The following CARMIL1 variants were observed in gnomAD, a reference collection of about 807,000 sequenced individuals.
CARMIL1 encodes F-actin-uncapping protein LRRC16A.
A neutral mutation model predicts 177.1 loss-of-function variants in CARMIL1; 90 were observed. That is an observed-to-expected ratio of 0.51 (90% CI 0.43 to 0.61). The LOEUF (loss-of-function observed/expected upper bound fraction) is 0.61, where lower values mean the gene tolerates loss of function less well. Among genes scored for constraint, CARMIL1 ranks in the 20% least tolerant of loss-of-function variants. The pLI, the probability that CARMIL1 is intolerant of heterozygous loss-of-function variation, is 0.00. For synonymous variants in CARMIL1, 577 were observed against 606.2 expected, an observed-to-expected ratio of 0.95 and a Z score of 0.71; for missense variants, 1,380 against 1,667.0, an observed-to-expected ratio of 0.83 and a Z score of 3.00.
intron 2 of CARMIL1, among the ~76,000 whole-genome samples, chr6:25,299,085 G>A (rs537283877): frequency 6.6e-6 from 1 of 151,652 alleles, no homozygotes; most frequent in South Asian, 2.1e-4. Flanking sequence ...TCCTTGATCG[G>A]GGGTGCAGGG....
intron 33 of CARMIL1, 78 bp downstream of exon 33, chr6:25,600,824 A>G: frequency 8.1e-7 from 1 of 1,229,228 alleles, no homozygotes; most frequent in Non-Finnish European, 1.1e-6. Flanking sequence ...TGCATGTGAT[A>G]TTTTTATGTA....
In CARMIL1 at chr6:25,603,191, G is replaced by T. The variant is rs562246218; in HGVS notation, c.3553-1621G>T. ...CACTTGGAGGAACCTGAAAGGGAAG[G>T]ATGTGAAAGGGGACTTCATGGATGG... is the stretch of plus-strand genomic sequence containing the variant. On this transcript the variant is annotated intron_variant, in intron 33 of 36. Coordinates refer to ENST00000329474, the MANE Select transcript of CARMIL1 (RefSeq NM_017640.6). Among the ~76,000 whole-genome samples the T allele has an allele frequency of 1.9e-4, 29 of 152,352 alleles. No individual in the cohort carries two copies. In the East Asian group the frequency reaches 5.2e-3, roughly 27 times the overall value.
At chr6:25,333,744 T>TG (rs138164539) in intron 2 of CARMIL1, among the ~76,000 whole-genome samples, 20,727 of 152,210 alleles carry the variant, frequency 0.14, 1,462 homozygotes, top group Middle Eastern at 0.19. Flanking sequence ...GTCATTTTTT[T>TG]GTAGTCATAG....
At chr6:25,382,151 G>T (rs769215383) in intron 2 of CARMIL1, among the ~76,000 whole-genome samples, 24 of 152,126 alleles carry the variant, frequency 1.6e-4, no homozygotes, top group Non-Finnish European at 3.1e-4. Flanking sequence ...AGGCTGGAGT[G>T]CAGTGGCTCA....
chr6:25,537,224 A>G (rs1486287424), intron 24 of CARMIL1, among the ~76,000 whole-genome samples: 1 of 152,214 alleles, frequency 6.6e-6, no homozygotes, highest in Non-Finnish European at 1.5e-5. Flanking sequence ...ACTAGATGAT[A>G]TTGACTTCAT....
At chr6:25,584,026 C>CTTTTTTTTTTTTTTTTTTTTTTTT (rs71544648) in intron 31 of CARMIL1, among the ~76,000 whole-genome samples, 4 of 119,124 alleles carry the variant, frequency 3.4e-5, no homozygotes, top group East Asian at 2.5e-4. Flanking sequence ...TTTTCTTTTT[C>CTTTTTTTTTTTTTTTTTTTTTTTT]TTTTTTTTTT....
intron 36 of CARMIL1, among the ~76,000 whole-genome samples, chr6:25,615,778 C>A (rs1816843353): frequency 6.6e-6 from 1 of 152,174 alleles, no homozygotes; most frequent in African/African-American, 2.4e-5. Flanking sequence ...CTACTGAATA[C>A]TATTTTAAGG....
intron 5 of CARMIL1, among the ~76,000 whole-genome samples, chr6:25,442,877 G>A (rs1008986107): frequency 2.6e-5 from 4 of 152,170 alleles, no homozygotes; most frequent in African/African-American, 9.7e-5. Flanking sequence ...GAGTGTGAAT[G>A]TCCACTTTTG....
intron 31 of CARMIL1, among the ~76,000 whole-genome samples, chr6:25,591,488 T>C (rs562683672): frequency 6.6e-6 from 1 of 152,332 alleles, no homozygotes; most frequent in Non-Finnish European, 1.5e-5. Context: ...TTCCAACAGC[T>C]GTTCTACCCT....
intron 2 of CARMIL1, among the ~76,000 whole-genome samples, chr6:25,395,968 C>G (rs2150559276): frequency 6.6e-6 from 1 of 152,274 alleles, no homozygotes; most frequent in East Asian, 1.9e-4. Context: ...GTTTCTGTGC[C>G]TTGCCCTCCT....
rs913064565 is a variant in CARMIL1 at position 25,552,227 on chromosome 6, C to T, written c.2504+1142C>T. Among the ~76,000 whole-genome samples the T allele has an allele frequency of 3.3e-5, 5 of 152,040 alleles. No homozygotes were observed. In the South Asian group the frequency reaches 1.0e-3, roughly 32 times the overall value. ...AGGTGTGCTTACTTATTCTTATAACCTGTGGTTTGAGAATTTTTTTGTTGG... is the reference window on the plus strand; with the variant it reads ...AGGTGTGCTTACTTATTCTTATAACTTGTGGTTTGAGAATTTTTTTGTTGG... On this transcript the variant is annotated intron_variant, in intron 27 of 36. Transcript: ENST00000329474.
chr6:25,479,268 A>T (rs757685807), intron 11 of CARMIL1: 9 of 517,056 alleles, frequency 1.7e-5, no homozygotes, highest in Non-Finnish European at 3.5e-5. Context: ...TTCTTTGCCT[A>T]TGTACTCCTT....
At position 25,456,222 on chromosome 6, in the gene CARMIL1, C is replaced by T. The variant is rs531351577; in HGVS notation, c.614+5511C>T. Among the ~76,000 whole-genome samples the T allele has an allele frequency of 7.9e-5, 12 of 152,312 alleles. No homozygotes were observed. The South Asian group carries it at 1.2e-3, about 16-fold the overall frequency. Reference sequence around the variant, plus strand: ...CTTCCTATTTCTATATATCTTGCTACTGCACTAAAACCCGTAAGATCTATA... The same window carrying T: ...CTTCCTATTTCTATATATCTTGCTATTGCACTAAAACCCGTAAGATCTATA... On this transcript the variant is annotated intron_variant, in intron 8 of 36. Transcript: ENST00000329474.
intron 8 of CARMIL1, chr6:25,451,986 G>GCCCCCCACCCC: frequency 8.9e-6 from 1 of 112,672 alleles, no homozygotes; most frequent in South Asian, 7.1e-5. Flanking sequence ...CTAGCATCTT[G>GCCCCCCACCCC]CCCCCCCCTC....
At chr6:25,501,023 A>G (rs1435988542) in intron 17 of CARMIL1, among the ~76,000 whole-genome samples, 3 of 151,980 alleles carry the variant, frequency 2.0e-5, no homozygotes, top group Non-Finnish European at 4.4e-5. Context: ...CAGCCTCCCA[A>G]AGTGTTGGAA....
chr6:25,282,879 C>T (rs1261462973), intron 1 of CARMIL1, among the ~76,000 whole-genome samples: 1 of 152,164 alleles, frequency 6.6e-6, no homozygotes. Context: ...AGATTGCAAA[C>T]TCCTGTGAAA....
At chr6:25,530,603 G>A (rs1807662704) in intron 24 of CARMIL1, among the ~76,000 whole-genome samples, 1 of 152,140 alleles carries the variant, frequency 6.6e-6, no homozygotes, top group South Asian at 2.1e-4. Context: ...TCCTCGTTTG[G>A]AAGCGGATTT....
intron 18 of CARMIL1, among the ~76,000 whole-genome samples, chr6:25,510,115 T>C (rs1432194010): frequency 6.6e-6 from 1 of 152,226 alleles, no homozygotes; most frequent in African/African-American, 2.4e-5. Context: ...TGTAGTATCA[T>C]GTTAGTATGA....
intron 28 of CARMIL1, among the ~76,000 whole-genome samples, 196 bp from the exon 29 acceptor site, chr6:25,556,505 T>TAA (rs1181508592): frequency 6.6e-6 from 1 of 152,178 alleles, no homozygotes; most frequent in Non-Finnish European, 1.5e-5. Flanking sequence ...ACTTATTGCT[T>TAA]AAAACACTCT....
Sources: gnomAD v4.1 joint callset for allele counts (sites outside exome capture counted in the v4.1 genomes callset) on GRCh38, gnomAD v4.1.1 for gene constraint, MANE v1.5 for transcripts, NCBI Gene and HGNC (gene_info 2026-07-23, HGNC 2026-07-21) for gene names.